HS3ST5: variants seen among roughly 807,000 people sequenced by gnomAD.
The protein encoded by HS3ST5 is heparan sulfate-glucosamine 3-sulfotransferase 5.
Under a neutral mutation model 25.4 loss-of-function variants are expected in HS3ST5, and 10 were observed. That is an observed-to-expected ratio of 0.39 (90% CI 0.24 to 0.67). HS3ST5 has a LOEUF of 0.67. Ranked by LOEUF, HS3ST5 falls within the 30% of genes least tolerant of loss-of-function variation. The probability of loss-of-function intolerance (pLI) is 0.44; values close to 1 mark genes in which losing one functional copy is unlikely to be tolerated. For missense variants in HS3ST5, 324 were observed against 420.7 expected, an observed-to-expected ratio of 0.77 and a Z score of 2.01; for synonymous variants, 170 against 162.4, an observed-to-expected ratio of 1.05 and a Z score of -0.36.
At chr6:114,097,796 G>A (rs1775517525) in intron 3 of HS3ST5, among the ~76,000 whole-genome samples, 1 of 151,488 alleles carries the variant, frequency 6.6e-6, no homozygotes, top group Non-Finnish European at 1.5e-5. Context: ...TTATTTTCTG[G>A]TTTCCCATCT....
At chr6:114,103,065 A>G (rs1775809119) in intron 3 of HS3ST5, among the ~76,000 whole-genome samples, 1 of 152,172 alleles carries the variant, frequency 6.6e-6, no homozygotes, top group African/African-American at 2.4e-5. Flanking sequence ...ATCAAATAAC[A>G]ATTGTTCAAC....
At chr6:114,201,088 T>C (rs2114368309) in intron 2 of HS3ST5, among the ~76,000 whole-genome samples, 1 of 152,322 alleles carries the variant, frequency 6.6e-6, no homozygotes, top group South Asian at 2.1e-4. Flanking sequence ...TTTGGACTCA[T>C]ACGTGCAATT....
chr6:114,070,835 T>C (rs1012184271), intron 3 of HS3ST5, among the ~76,000 whole-genome samples: 1 of 152,226 alleles, frequency 6.6e-6, no homozygotes, highest in African/African-American at 2.4e-5. Context: ...ACCCAGTTTC[T>C]GCCATCACTT....
chr6:114,219,695 C>T (rs926842337), intron 2 of HS3ST5, among the ~76,000 whole-genome samples: 8 of 151,892 alleles, frequency 5.3e-5, no homozygotes, highest in South Asian at 2.1e-4. Flanking sequence ...ATGCCTAATG[C>T]GAGAATGCTA....
chr6:114,192,155 A>T (rs968059551), intron 2 of HS3ST5, among the ~76,000 whole-genome samples: 5 of 152,200 alleles, frequency 3.3e-5, no homozygotes, highest in Non-Finnish European at 4.4e-5. Flanking sequence ...ACATGGAGAA[A>T]TGTTTTTCAC....
At chr6:114,213,512 T>C (rs1446397377) in intron 2 of HS3ST5, among the ~76,000 whole-genome samples, 1 of 152,138 alleles carries the variant, frequency 6.6e-6, no homozygotes, top group African/African-American at 2.4e-5. Flanking sequence ...CTGTCTGTTA[T>C]CACTTTTAAC....
At chr6:114,337,294 A>C (rs1019874852) in intron 1 of HS3ST5, among the ~76,000 whole-genome samples, 8 of 152,314 alleles carry the variant, frequency 5.3e-5, no homozygotes, top group Non-Finnish European at 1.2e-4. Flanking sequence ...GCTTCAGTAC[A>C]TGCAGTAAAT....
chr6:114,292,127 A>G (rs1413220289), intron 1 of HS3ST5, among the ~76,000 whole-genome samples: 1 of 152,198 alleles, frequency 6.6e-6, no homozygotes, highest in Non-Finnish European at 1.5e-5. Flanking sequence ...GAGCCAGTTC[A>G]TTTTCATGTA....
intron 1 of HS3ST5, among the ~76,000 whole-genome samples, chr6:114,295,769 A>G (rs566417728): frequency 4.7e-4 from 71 of 152,348 alleles, no homozygotes; most frequent in Non-Finnish European, 7.4e-4. Flanking sequence ...AAGTAGGTCT[A>G]CTGTGACGGA....
At chr6:114,299,652 G>T (rs113752141) in intron 1 of HS3ST5, among the ~76,000 whole-genome samples, 3,518 of 152,074 alleles carry the variant, frequency 0.023, 138 homozygotes, top group African/African-American at 0.077. Context: ...AAGAACCTAC[G>T]TGACTATTGG....
intron 2 of HS3ST5, among the ~76,000 whole-genome samples, chr6:114,189,900 G>C (rs774911311): frequency 6.6e-6 from 1 of 152,142 alleles, no homozygotes; most frequent in Non-Finnish European, 1.5e-5. Flanking sequence ...TGGCTGGGCT[G>C]TTTCCTTAGG....
intron 3 of HS3ST5, among the ~76,000 whole-genome samples, chr6:114,097,097 C>A (rs1344141921): frequency 6.6e-6 from 1 of 151,796 alleles, no homozygotes; most frequent in East Asian, 1.9e-4. Context: ...TAATACAAAA[C>A]AAAATGTTTA....
At chr6:114,326,186 C>T (rs149990152) in intron 1 of HS3ST5, among the ~76,000 whole-genome samples, 98 of 152,144 alleles carry the variant, frequency 6.4e-4, no homozygotes, top group African/African-American at 2.3e-3. Flanking sequence ...CTCAGGAGTT[C>T]CAGACCAGCC....
chr6:114,314,647 C>T (rs1412582202), intron 1 of HS3ST5, among the ~76,000 whole-genome samples: 1 of 152,048 alleles, frequency 6.6e-6, no homozygotes, highest in Non-Finnish European at 1.5e-5. Flanking sequence ...TTTTTCCTCT[C>T]TGGAGATATG....
intron 2 of HS3ST5, among the ~76,000 whole-genome samples, chr6:114,187,831 G>T (rs1050583363): frequency 9.2e-5 from 14 of 152,068 alleles, no homozygotes; most frequent in African/African-American, 3.1e-4. Flanking sequence ...TTAAGAAATT[G>T]CCACAGCCAC....
At chr6:114,102,785 C>T (rs1224150314) in intron 3 of HS3ST5, among the ~76,000 whole-genome samples, 2 of 152,116 alleles carry the variant, frequency 1.3e-5, no homozygotes, top group African/African-American at 4.8e-5. Context: ...TAAAATCTGG[C>T]TTTTTAAGCA....
At chr6:114,091,164 T>A (rs1431500258) in intron 3 of HS3ST5, among the ~76,000 whole-genome samples, 1 of 152,174 alleles carries the variant, frequency 6.6e-6, no homozygotes, top group Non-Finnish European at 1.5e-5. Context: ...TAATTAAGAT[T>A]TTCTTGTAGG....
At chr6:114,091,187 T>C (rs547681383) in intron 3 of HS3ST5, among the ~76,000 whole-genome samples, 1 of 152,310 alleles carries the variant, frequency 6.6e-6, no homozygotes, top group Admixed American at 6.5e-5. Flanking sequence ...TAATAAGTCA[T>C]GTCTCATTAG....
intron 2 of HS3ST5, among the ~76,000 whole-genome samples, chr6:114,172,959 T>C (rs904385637): frequency 2.6e-5 from 4 of 152,064 alleles, no homozygotes; most frequent in African/African-American, 4.8e-5. Flanking sequence ...TTTTGGAATA[T>C]AAAAAAAAGT....
Sources: gnomAD v4.1 joint callset for allele counts (sites outside exome capture counted in the v4.1 genomes callset) on GRCh38, gnomAD v4.1.1 for gene constraint, MANE v1.5 for transcripts, NCBI Gene and HGNC (gene_info 2026-07-23, HGNC 2026-07-21) for gene names.